Variants in MARF1 observed in about 807,000 individuals in gnomAD.
MARF1 encodes the protein meiosis regulator and mRNA stability factor 1.
Under a neutral mutation model 168.2 loss-of-function variants are expected in MARF1, and 24 were observed. That is an observed-to-expected ratio of 0.14 (90% confidence interval 0.10 to 0.20). The LOEUF (loss-of-function observed/expected upper bound fraction) is 0.20, where lower values mean the gene tolerates loss of function less well. Among genes scored for constraint, MARF1 ranks in the 10% least tolerant of loss-of-function variants. MARF1 has a pLI of 1.00. For synonymous variants in MARF1, 868 were observed against 822.4 expected (o/e 1.06, Z -0.95); for missense variants, 1,744 against 2,143.6 (o/e 0.81, Z 3.68).
At chr16:15,629,043 T>A (rs1384687799) in intron 7 of MARF1, among the ~76,000 whole-genome samples, 1 of 151,838 alleles carries the variant, frequency 6.6e-6, no homozygotes, top group Non-Finnish European at 1.5e-5. Context: ...TTACTTTTTT[T>A]TTTTTTTTTG....
Position 15,622,957 on chromosome 16 carries a change from C to T in MARF1, c.2437G>A (p.Glu813Lys), listed in dbSNP as rs757903373. Reference sequence around the variant, plus strand: ...ACCTTGCCATGCCTGGCAAATGCTTCCTGCAGGAGCTGCTGCAGCTCCTTC... The same window carrying T: ...ACCTTGCCATGCCTGGCAAATGCTTTCTGCAGGAGCTGCTGCAGCTCCTTC... ...SRKELQQLLQ[E>K]AFARHGKVKS... The change falls in exon 11 of 27, where the codon GAA becomes AAA. Residue 813 changes from glutamate (E) to lysine (K), a missense_variant. Physicochemically the swap from Glu to Lys is moderately conservative, Grantham distance 56 (BLOSUM62 1). Around this residue, in one of 7 missense-constraint regions of MARF1, gnomAD observed 543 missense variants for 742.1 expected, o/e 0.73. Coordinates refer to ENST00000396368, the MANE Select transcript of MARF1 (RefSeq NM_014647.4). 44 of 1,576,008 alleles carry T rather than the reference C, an allele frequency of 2.8e-5. No homozygotes were observed. The highest frequency in any genetic ancestry group is 6.1e-6 in the Non-Finnish European group (7 of 1,152,624).
chr16:15,635,371 T>C (rs894294823), intron 3 of MARF1: 2 of 467,184 alleles, frequency 4.3e-6, no homozygotes, highest in Admixed American at 3.8e-5. Flanking sequence ...CATCGTGCTT[T>C]AGCCTTTAAA....
intron 13 of MARF1, among the ~76,000 whole-genome samples, chr16:15,619,062 A>C (rs7201520): frequency 1.3e-5 from 2 of 152,006 alleles, no homozygotes; most frequent in Non-Finnish European, 1.5e-5. Flanking sequence ...AATCACTTGA[A>C]GCCAGGAGTT....
At chr16:15,619,296 A>T (rs2034284937) in intron 13 of MARF1, among the ~76,000 whole-genome samples, 1 of 152,158 alleles carries the variant, frequency 6.6e-6, no homozygotes, top group African/African-American at 2.4e-5. Flanking sequence ...TGTTTTTAAT[A>T]AAAAAAATTA....
At chr16:15,626,107 A>G (rs2034824661) in intron 7 of MARF1, among the ~76,000 whole-genome samples, 1 of 152,234 alleles carries the variant, frequency 6.6e-6, no homozygotes, top group African/African-American at 2.4e-5. Context: ...TCTGAGTGAC[A>G]GAGTGAGACA....
At chr16:15,616,876 TG>T (rs2034092781) in intron 15 of MARF1, 175 bp downstream of exon 15, 1 of 768,242 alleles carries the variant, frequency 1.3e-6, no homozygotes, top group Admixed American at 2.7e-5. Context: ...ATACAGTCCA[TG>T]GTTGGCCAAA....
intron 24 of MARF1, 22 bp downstream of exon 24, chr16:15,600,619 G>A (rs1273072540): frequency 1.2e-6 from 2 of 1,614,058 alleles, no homozygotes; most frequent in South Asian, 2.2e-5. Flanking sequence ...TTTAAGGGGG[G>A]AGGGGATGGG....
At position 15,635,782 on chromosome 16, in the gene MARF1, C is replaced by T; in HGVS notation, c.705G>A (p.Gly235=). Residue 235 remains glycine (G), a synonymous_variant, in exon 3 of 27, where the codon GGG becomes GGA. Transcript: ENST00000396368. Reference sequence around the variant, plus strand: ...ACTGTGAAATGTGCTCTTCCAAATGCCCTGGAGCCCCGCTTGTGAAATCAG... The same window carrying T: ...ACTGTGAAATGTGCTCTTCCAAATGTCCTGGAGCCCCGCTTGTGAAATCAG... The part of the protein sequence containing the change: ...PCSDFTSGAP[G]HLEEHISQSE... The T allele has an allele frequency of 6.2e-7, 1 of 1,614,178 alleles. No individual in the cohort carries two copies.
At chr16:15,607,720 T>TG (rs2033136167) in intron 21 of MARF1, among the ~76,000 whole-genome samples, 1 of 152,082 alleles carries the variant, frequency 6.6e-6, no homozygotes, top group Admixed American at 6.5e-5. Flanking sequence ...TCTGGTCCTG[T>TG]GGGGGAGGAG....
At chr16:15,610,564 A>AG (rs2033437650) in intron 19 of MARF1, 1 of 126,454 alleles carries the variant, frequency 7.9e-6, no homozygotes, top group East Asian at 2.1e-4. Flanking sequence ...GAAAGGCAAA[A>AG]GAAAAAAAAA....
chr16:15,633,218 T>G (rs1255651302), intron 5 of MARF1, among the ~76,000 whole-genome samples: 1 of 145,088 alleles, frequency 6.9e-6, no homozygotes, highest in Non-Finnish European at 1.5e-5. Context: ...TACAGCACTT[T>G]TAGAGGCCAA....
chr16:15,635,279 A>G (rs75118924), intron 3 of MARF1: 446 of 385,218 alleles, frequency 1.2e-3, no homozygotes, highest in African/African-American at 8.2e-3. Context: ...GGTTTCCCAC[A>G]TTATTGCAAA....
At chr16:15,608,833 T>G in intron 20 of MARF1, 1 of 373,168 alleles carries the variant, frequency 2.7e-6, no homozygotes, top group South Asian at 4.4e-5. Context: ...ACAACAGAAA[T>G]TTGGTTTAAC....
chr16:15,607,226 C>T (rs908098165), intron 21 of MARF1, among the ~76,000 whole-genome samples: 4 of 152,146 alleles, frequency 2.6e-5, no homozygotes, highest in African/African-American at 7.2e-5. Flanking sequence ...AAGGTAAGAA[C>T]GTCTTCTTAG....
intron 22 of MARF1, chr16:15,602,512 G>GAAGAAGACGAAGACGACGATA (rs766241099): frequency 0.012 from 5,683 of 473,422 alleles, 67 homozygotes; most frequent in Non-Finnish European, 0.018. Context: ...AGACGACGAT[G>GAAGAAGACGAAGACGACGATA]AAGAAGACGA....
chr16:15,609,389 G>A, intron 20 of MARF1, 134 bp downstream of exon 20: 3 of 683,336 alleles, frequency 4.4e-6, no homozygotes, highest in Non-Finnish European at 7.3e-6. Context: ...TGGCTTCTCT[G>A]ACTGGAATAG....
chr16:15,625,825 C>T lies in MARF1; in HGVS notation c.1525-25G>A, dbSNP rs372643311. 5.3e-5 allele frequency: 84 copies of T among 1,582,564 alleles called. No individual in the cohort carries two copies. In the African/African-American group the frequency reaches 9.2e-4, roughly 17 times the overall value. On this transcript the variant is annotated intron_variant, in intron 7 of 26. Transcript: ENST00000396368. ...GCTAATACAGAGGAAAGAAGTGTTACGTCAGGTTAATTCAAGGGCACACAT... is the reference window on the plus strand; with the variant it reads ...GCTAATACAGAGGAAAGAAGTGTTATGTCAGGTTAATTCAAGGGCACACAT...
chr16:15,619,215 T>C (rs2034278061), intron 13 of MARF1, among the ~76,000 whole-genome samples: 1 of 152,216 alleles, frequency 6.6e-6, no homozygotes, highest in African/African-American at 2.4e-5. Flanking sequence ...AGTCTGAGGC[T>C]GCAATGACCT....
Position 15,596,883 on chromosome 16 carries a change from C to T in MARF1, c.5039G>A (p.Ser1680Asn). ...EKMEIPIPGK[S>N]KTLTSDSSSS... ...GCTGGAGTCAGAGGTCAGAGTTTTG[C>T]TCTTTCCTGGTATTGGAATCTCCAT... The change falls in exon 27 of 27, where the codon AGC (serine) becomes AAC (asparagine). Residue 1680 changes from serine to asparagine, a missense_variant. Physicochemically the swap from Ser to Asn is conservative, Grantham distance 46. Transcript: ENST00000396368. 1 of 1,613,568 alleles carries T rather than the reference C, an allele frequency of 6.2e-7. No individual in the cohort carries two copies. The highest frequency in any genetic ancestry group is 8.5e-7 in the Non-Finnish European group (1 of 1,179,680).
Sources: gnomAD v4.1 joint callset for allele counts (sites outside exome capture counted in the v4.1 genomes callset) on GRCh38, gnomAD v4.1.1 for gene constraint, gnomAD v4.1.1 regional missense constraint, MANE v1.5 for transcripts, NCBI Gene and HGNC (gene_info 2026-07-23, HGNC 2026-07-21) for gene names.